The following SYT14 variants were observed in gnomAD, a reference collection of about 807,000 sequenced individuals.
SYT14 encodes the protein synaptotagmin 14.
A neutral mutation model predicts 74.2 loss-of-function variants in SYT14; 32 were observed. The ratio of observed to expected loss-of-function variants is 0.43; its 90% confidence interval spans 0.33 to 0.58. The LOEUF is 0.58. SYT14 is among the 20% of genes least tolerant of loss of function. The pLI is 0.05. For synonymous variants in SYT14, 298 were observed against 337.7 expected, an observed-to-expected ratio of 0.88 and a Z score of 1.29; for missense variants, 791 against 981.8, an observed-to-expected ratio of 0.81 and a Z score of 2.60.
intron 7 of SYT14, among the ~76,000 whole-genome samples, chr1:210,120,340 G>A (rs1000109524): frequency 3.3e-5 from 5 of 150,180 alleles, no homozygotes; most frequent in South Asian, 2.1e-4. Context: ...TCTTATTACC[G>A]TAAATTTTTT....
intron 5 of SYT14, 42 bp downstream of exon 4, chr1:210,021,296 G>A: frequency 1.3e-6 from 2 of 1,543,284 alleles, no homozygotes; most frequent in Non-Finnish European, 1.8e-6. Context: ...ACACACTATA[G>A]TATTTGATTA....
chr1:209,981,450 CTTTTTTTTTT>C (rs1183885685), intron 2 of SYT14, among the ~76,000 whole-genome samples: 1 of 99,050 alleles, frequency 1.0e-5, no homozygotes, highest in Non-Finnish European at 1.9e-5. Context: ...TTTTTCTTTT[CTTTTTTTTTT>C]TTTTTTTTTG....
At chr1:210,157,279 A>C (rs1470832949) in intron 8 of SYT14, among the ~76,000 whole-genome samples, 1 of 151,522 alleles carries the variant, frequency 6.6e-6, no homozygotes, top group Non-Finnish European at 1.5e-5. Flanking sequence ...CTGACTCTAC[A>C]AAAAATTTAA....
chr1:210,113,203 TAGGG>T, intron 7 of SYT14, among the ~76,000 whole-genome samples: 1 of 150,954 alleles, frequency 6.6e-6, no homozygotes, highest in East Asian at 1.9e-4. Flanking sequence ...AGTGATGAGT[TAGGG>T]AGAGCTAGTG....
At chr1:210,015,901 A>G (rs2080173881) in exon 4 of SYT14, 1 of 1,229,244 alleles carries the variant, frequency 8.1e-7, no homozygotes, top group South Asian at 4.3e-5. Context: ...GAGCTGACGA[A>G]TAGCAACATT....
At chr1:210,040,520 A>G (rs950956166) in intron 5 of SYT14, among the ~76,000 whole-genome samples, 1 of 152,170 alleles carries the variant, frequency 6.6e-6, no homozygotes, top group Non-Finnish European at 1.5e-5. Flanking sequence ...TAATTTAAAA[A>G]AAAAAAAGAA....
intron 2 of SYT14, among the ~76,000 whole-genome samples, chr1:210,012,577 G>A (rs1460824094): frequency 6.6e-6 from 1 of 152,004 alleles, no homozygotes; most frequent in Non-Finnish European, 1.5e-5. Flanking sequence ...GCCACATTAG[G>A]GAGTACAAAG....
intron 5 of SYT14, among the ~76,000 whole-genome samples, chr1:210,078,059 C>T (rs1036609026): frequency 1.3e-5 from 2 of 151,990 alleles, no homozygotes; most frequent in South Asian, 4.1e-4. Flanking sequence ...GCCTGTAATC[C>T]CAGCACTTTG....
intron 7 of SYT14, among the ~76,000 whole-genome samples, chr1:210,109,800 T>C (rs965313601): frequency 1.3e-5 from 2 of 152,172 alleles, no homozygotes; most frequent in Admixed American, 6.5e-5. Flanking sequence ...ATCATTCTGC[T>C]ATAGAGACAC....
chr1:209,987,244 G>A (rs201544955), intron 2 of SYT14, among the ~76,000 whole-genome samples: 2 of 152,138 alleles, frequency 1.3e-5, no homozygotes, highest in East Asian at 3.8e-4. Context: ...TTATAGCAGA[G>A]CCCCACTCCT....
intron 2 of SYT14, among the ~76,000 whole-genome samples, chr1:209,989,127 G>C (rs1023468712): frequency 6.6e-6 from 1 of 152,068 alleles, no homozygotes; most frequent in Admixed American, 6.5e-5. Flanking sequence ...GAGTGCCATT[G>C]TTTCATACGC....
chr1:210,086,870 C>CT (rs752519196), intron 5 of SYT14, among the ~76,000 whole-genome samples: 1 of 152,052 alleles, frequency 6.6e-6, no homozygotes, highest in Non-Finnish European at 1.5e-5. Flanking sequence ...TTAGTTTTTT[C>CT]TTTTTTCATA....
chr1:210,018,204 G>A (rs2080226715), intron 4 of SYT14, among the ~76,000 whole-genome samples: 1 of 152,184 alleles, frequency 6.6e-6, no homozygotes, highest in African/African-American at 2.4e-5. Context: ...TGCAATCTCG[G>A]CTCACTGCCA....
At chr1:210,032,622 T>C (rs1241654568) in intron 5 of SYT14, among the ~76,000 whole-genome samples, 1 of 150,398 alleles carries the variant, frequency 6.6e-6, no homozygotes, top group African/African-American at 2.5e-5. Context: ...CTTTCATTTT[T>C]TCATTAAAGT....
At chr1:210,022,445 GTTAA>G (rs1297117990) in intron 5 of SYT14, among the ~76,000 whole-genome samples, 2 of 152,176 alleles carry the variant, frequency 1.3e-5, no homozygotes, top group Non-Finnish European at 2.9e-5. Flanking sequence ...TGCTTACTAA[GTTAA>G]TTAAATAATA....
intron 7 of SYT14, among the ~76,000 whole-genome samples, chr1:210,132,293 T>G (rs1167891589): frequency 1.3e-5 from 2 of 151,922 alleles, no homozygotes; most frequent in East Asian, 3.9e-4. Flanking sequence ...TTCATATCTT[T>G]CTTCCCATCC....
At chr1:210,151,298 A>C (rs7523089) in intron 7 of SYT14, among the ~76,000 whole-genome samples, 12,224 of 152,152 alleles carry the variant, frequency 0.08, 1,533 homozygotes, top group African/African-American at 0.27. Flanking sequence ...GTAGATGGAG[A>C]TTCCTGAATA....
chr1:210,050,101 A>C (rs2080964023), intron 5 of SYT14, among the ~76,000 whole-genome samples: 1 of 152,156 alleles, frequency 6.6e-6, no homozygotes, highest in Non-Finnish European at 1.5e-5. Context: ...TCAGGCTGCA[A>C]ATTTTCCAAA....
intron 2 of SYT14, among the ~76,000 whole-genome samples, chr1:210,002,528 C>G (rs1354096810): frequency 6.6e-6 from 1 of 151,896 alleles, no homozygotes; most frequent in East Asian, 1.9e-4. Flanking sequence ...ACTATATACC[C>G]ATGATTTTTT....
Sources: allele counts gnomAD v4.1 joint callset (sites outside exome capture counted in the v4.1 genomes callset), GRCh38; gene constraint gnomAD v4.1.1; transcripts MANE v1.5; gene names NCBI Gene and HGNC (gene_info 2026-07-23, HGNC 2026-07-21).